Variants in TMEM232 observed in about 807,000 individuals in gnomAD.
TMEM232 encodes transmembrane protein 232.
Under a neutral mutation model 78.8 loss-of-function variants are expected in TMEM232, and 80 were observed. That is an observed-to-expected ratio of 1.01 (90% CI 0.85 to 1.22). The LOEUF is 1.22. TMEM232 is among the 50% of genes most tolerant of loss of function. The pLI, the probability that TMEM232 is intolerant of heterozygous loss-of-function variation, is 0.00. For synonymous variants in TMEM232, 297 were observed against 254.3 expected (o/e 1.17, Z -1.60); for missense variants, 881 against 742.2 (o/e 1.19, Z -2.17).
At chr5:110,712,488 T>C (rs941485209) in intron 1 of TMEM232, among the ~76,000 whole-genome samples, 1 of 152,110 alleles carries the variant, frequency 6.6e-6, no homozygotes, top group East Asian at 1.9e-4. Context: ...AAAAGTCATA[T>C]AAAAAGGTGT....
At chr5:110,412,824 G>A (rs1481232571) in intron 2 of TMEM232, among the ~76,000 whole-genome samples, 2 of 152,094 alleles carry the variant, frequency 1.3e-5, no homozygotes, top group African/African-American at 2.4e-5. Flanking sequence ...TCAGTTTTAT[G>A]TAGTAAGTTC....
chr5:110,654,367 T>C (rs1180621271), intron 2 of TMEM232, among the ~76,000 whole-genome samples: 1 of 152,222 alleles, frequency 6.6e-6, no homozygotes, highest in African/African-American at 2.4e-5. Context: ...TTTCTACATA[T>C]GGCTAGCCAG....
chr5:110,390,713 C>G (rs1755142787), intron 3 of TMEM232: 1 of 152,148 alleles, frequency 6.6e-6, no homozygotes, highest in African/African-American at 2.4e-5. Context: ...CATGAACAAA[C>G]TTACCTACTC....
At chr5:110,513,011 T>C (rs760348675) in intron 12 of TMEM232, among the ~76,000 whole-genome samples, 1 of 152,214 alleles carries the variant, frequency 6.6e-6, no homozygotes, top group African/African-American at 2.4e-5. Flanking sequence ...CATAAAGCTA[T>C]GGCAGTGAAA....
At chr5:110,579,618 G>C (rs937940097) in intron 10 of TMEM232, among the ~76,000 whole-genome samples, 1 of 151,588 alleles carries the variant, frequency 6.6e-6, no homozygotes, top group Non-Finnish European at 1.5e-5. Context: ...ACACAAAATA[G>C]ATTGTTGTAT....
At chr5:110,650,228 T>A (rs1417792173) in intron 2 of TMEM232, among the ~76,000 whole-genome samples, 2 of 152,068 alleles carry the variant, frequency 1.3e-5, no homozygotes, top group Admixed American at 6.6e-5. Context: ...ATGTCTGGGA[T>A]TTCTCACTTA....
chr5:110,489,829 C>A (rs73220772), intron 12 of TMEM232, among the ~76,000 whole-genome samples: 18,905 of 151,800 alleles, frequency 0.12, 2,839 homozygotes, highest in African/African-American at 0.37. Context: ...TCAATATATA[C>A]AACTTAATTG....
At position 110,420,629 on chromosome 5, in the gene TMEM232, T is replaced by C. The variant is rs17132110; in HGVS notation, c.1925A>G (p.His642Arg). Residue 642 changes from histidine (H) to arginine (R), a missense_variant, in exon 14 of 14, where the codon CAT (histidine) becomes CGT (arginine). His to Arg is a conservative substitution (Grantham distance 29, BLOSUM62 0). Transcript: ENST00000455884. ...EVMKKREEKL[H>R]KQTKPYELPY... ...AAGTTCATAGGGCTTGGTTTGCTTATGTAGTTTCTCTTCTCTTTTCTTCAT... is the reference window on the plus strand; with the variant it reads ...AAGTTCATAGGGCTTGGTTTGCTTACGTAGTTTCTCTTCTCTTTTCTTCAT... 5.8e-3 allele frequency: 8,863 copies of C among 1,519,820 alleles called. 427 individuals are homozygous for C. The African/African-American group carries it at 0.11, about 18-fold the overall frequency. The allele number at this position is 1,519,820 out of a possible 1,614,324, so 94.1% of individuals were successfully genotyped here.
intron 1 of TMEM232, among the ~76,000 whole-genome samples, chr5:110,703,404 A>G (rs993880576): frequency 2.0e-5 from 3 of 152,198 alleles, no homozygotes; most frequent in South Asian, 2.1e-4. Flanking sequence ...GGGGAAACCA[A>G]TATTATGGGA....
intron 10 of TMEM232, among the ~76,000 whole-genome samples, chr5:110,577,690 C>T (rs1561722503): frequency 6.6e-6 from 1 of 152,026 alleles, no homozygotes; most frequent in Non-Finnish European, 1.5e-5. Flanking sequence ...ACTATGTAGC[C>T]ATAAAAAATA....
chr5:110,442,755 G>A (rs1005779589), intron 12 of TMEM232, among the ~76,000 whole-genome samples: 7 of 151,994 alleles, frequency 4.6e-5, no homozygotes, highest in African/African-American at 1.7e-4. Context: ...CTTTCTTGTG[G>A]TCATCCTTCT....
At chr5:110,573,863 G>A (rs1159749661) in intron 10 of TMEM232, among the ~76,000 whole-genome samples, 1 of 152,046 alleles carries the variant, frequency 6.6e-6, no homozygotes, top group Non-Finnish European at 1.5e-5. Flanking sequence ...TAGAGAAAGA[G>A]GAGAAAATAC....
chr5:110,516,764 A>G (rs1033498113), intron 12 of TMEM232, among the ~76,000 whole-genome samples: 1 of 152,228 alleles, frequency 6.6e-6, no homozygotes, highest in African/African-American at 2.4e-5. Flanking sequence ...ATTCAGAGCA[A>G]AACATGTGTT....
At chr5:110,596,944 A>G (rs1356216950) in intron 10 of TMEM232, among the ~76,000 whole-genome samples, 1 of 152,208 alleles carries the variant, frequency 6.6e-6, no homozygotes, top group Non-Finnish European at 1.5e-5. Flanking sequence ...ATTCCCTTTG[A>G]AAACTGGCAC....
chr5:110,579,372 G>A (rs1032609345), intron 10 of TMEM232, among the ~76,000 whole-genome samples: 4 of 150,948 alleles, frequency 2.6e-5, no homozygotes, highest in Non-Finnish European at 5.9e-5. Flanking sequence ...TTGAAAAAAA[G>A]GGATGCTAAA....
At chr5:110,505,594 C>T (rs547259184) in intron 12 of TMEM232, among the ~76,000 whole-genome samples, 1 of 152,270 alleles carries the variant, frequency 6.6e-6, no homozygotes, top group South Asian at 2.1e-4. Flanking sequence ...GCAACCTCCA[C>T]CACCTGGGTT....
intron 7 of TMEM232, among the ~76,000 whole-genome samples, chr5:110,622,523 A>G (rs57810264): frequency 0.047 from 7,117 of 152,124 alleles, 395 homozygotes; most frequent in East Asian, 0.26. Flanking sequence ...ACATGAACTC[A>G]TCATTTTTTA....
chr5:110,455,879 A>C (rs1760844185), intron 12 of TMEM232, among the ~76,000 whole-genome samples: 1 of 152,224 alleles, frequency 6.6e-6, no homozygotes, highest in Non-Finnish European at 1.5e-5. Flanking sequence ...ATGAAAAACA[A>C]GCTTTTAATA....
chr5:110,553,481 G>A (rs565375454), intron 11 of TMEM232, among the ~76,000 whole-genome samples: 1 of 151,216 alleles, frequency 6.6e-6, no homozygotes. Flanking sequence ...TATTCTTTTT[G>A]TGACTATTGT....
Sources: allele counts gnomAD v4.1 joint callset (sites outside exome capture counted in the v4.1 genomes callset), GRCh38; gene constraint gnomAD v4.1.1; transcripts MANE v1.5; gene names NCBI Gene and HGNC (gene_info 2026-07-23, HGNC 2026-07-21).